The following PRR12 variants were observed in gnomAD, a reference collection of about 807,000 sequenced individuals.
PRR12 encodes proline-rich protein 12.
In PRR12, 12 loss-of-function variants were observed where a neutral mutation model predicts 138.0. The observed-to-expected ratio is 0.09, with a 90% confidence interval of 0.06 to 0.14. The LOEUF is 0.14. PRR12 is among the 10% of genes least tolerant of loss of function. The pLI, the probability that PRR12 is intolerant of heterozygous loss-of-function variation, is 1.00. For missense variants in PRR12, 2,692 were observed against 2,861.3 expected, an observed-to-expected ratio of 0.94 and a Z score of 1.35; for synonymous variants, 1,567 against 1,291.7, an observed-to-expected ratio of 1.21 and a Z score of -4.57.
At chr19:49,618,940 C>G in intron 9 of PRR12, among the ~76,000 whole-genome samples, 1 of 152,030 alleles carries the variant, frequency 6.6e-6, no homozygotes, top group Admixed American at 6.6e-5. Flanking sequence ...GCTCTCAGCT[C>G]TCTCATGGCT....
intron 6 of PRR12, among the ~76,000 whole-genome samples, chr19:49,607,480 T>C (rs1408253382): frequency 6.6e-6 from 1 of 151,250 alleles, no homozygotes; most frequent in East Asian, 1.9e-4. Context: ...CCAAGGTGGG[T>C]GGATTGCTTG....
chr19:49,593,570 C>T (rs2080744183), intron 2 of PRR12, 131 bp downstream of exon 2: 1 of 578,358 alleles, frequency 1.7e-6, no homozygotes, highest in Non-Finnish European at 3.1e-6. Context: ...TGCTGTGTCT[C>T]CTCTGATTGG....
Position 49,596,943 on chromosome 19 carries a change from C to T in PRR12, c.2608C>T (p.Pro870Ser). ...EPAAPSPRLRPEESLDPPGAM... is the reference protein window; with the variant it reads ...EPAAPSPRLRSEESLDPPGAM... ...CGCGGCCCCCAGCCCCCGCCTGCGA[C>T]CCGAGGAGAGCCTGGATCCGCCAGG... is the stretch of plus-strand genomic sequence containing the variant. Residue 870 changes from proline to serine, a missense_variant, in exon 4 of 14, where the codon CCC (proline) becomes TCC (serine). Physicochemically the swap from Pro to Ser is moderately conservative, Grantham distance 74. Transcript: ENST00000418929. The surrounding 1 kb of genome is among the most constrained non-coding windows in gnomAD (Gnocchi z 5.6). The T allele has an allele frequency of 6.5e-7, 1 of 1,550,202 alleles. No homozygotes were observed. Among genetic ancestry groups the T allele is most frequent in the East Asian group, 2.4e-5 (1 of 41,428 alleles).
At chr19:49,593,484 C>A (rs755017122) in intron 2 of PRR12, 45 bp downstream of exon 2, 2 of 863,336 alleles carry the variant, frequency 2.3e-6, no homozygotes. Flanking sequence ...CCTCCCCCTC[C>A]CCCCGAGGCA....
intron 10 of PRR12, 29 bp downstream of exon 10, chr19:49,620,506 G>A (rs896157115): frequency 1.3e-6 from 2 of 1,526,920 alleles, no homozygotes; most frequent in Middle Eastern, 1.7e-4. Context: ...AGGAGGGGGG[G>A]GGGCTGACTC....
At chr19:49,618,914 C>T (rs1245753417) in intron 9 of PRR12, among the ~76,000 whole-genome samples, 1 of 151,998 alleles carries the variant, frequency 6.6e-6, no homozygotes, top group Admixed American at 6.6e-5. Flanking sequence ...TCTACGCTTA[C>T]ACTCACCCCT....
rs1395112610 is a variant in PRR12, at chr19:49,596,922, GC to G, written c.2592del (p.Ser865AlafsTer35). ...CCGCAGCCATGGCCTGGAGCCCGCGGCCCCCAGCCCCCGCCTGCGACCCGAG... is the reference window on the plus strand; with the variant it reads ...CCGCAGCCATGGCCTGGAGCCCGCGGCCCCAGCCCCCGCCTGCGACCCGAG... ...HLRSHGLEPA[A>X]PSPRLRPEES... is the part of the protein sequence containing the mutation. On this transcript the variant is annotated frameshift_variant, in exon 4 of 14. Coordinates refer to ENST00000418929, the MANE Select transcript of PRR12 (RefSeq NM_020719.3). LOFTEE classifies it high-confidence loss of function. This position sits in a 1 kb window ranked among gnomAD's most constrained non-coding sequence, Gnocchi z 5.6. 1 of 1,548,282 alleles carries G rather than the reference GC, an allele frequency of 6.5e-7. No individual in the cohort carries two copies. Among genetic ancestry groups the G allele is most frequent in the Non-Finnish European group, 8.7e-7 (1 of 1,153,304 alleles).
In PRR12 at chr19:49,596,743, C is replaced by G. The variant is rs1325410876; in HGVS notation, c.2408C>G (p.Pro803Arg). Reference sequence around the variant, plus strand: ...CCTCCGCCTCCCCCCCAGCTGCTCCCCTCGGTCCTCAGCCATGCCCCCAGT... The same window carrying G: ...CCTCCGCCTCCCCCCCAGCTGCTCCGCTCGGTCCTCAGCCATGCCCCCAGT... ...VLPPPPPQLL[P>R]SVLSHAPSPS... The change falls in exon 4 of 14, where the codon CCC becomes CGC. Residue 803 changes from proline (P) to arginine (R), a missense_variant. Pro to Arg is a moderately radical substitution (Grantham distance 103). This residue lies in a region of PRR12 where 840 missense variants were observed against 689.8 expected (regional missense o/e 1.22). Coordinates refer to ENST00000418929, the MANE Select transcript of PRR12 (RefSeq NM_020719.3). This position sits in a 1 kb window ranked among gnomAD's most constrained non-coding sequence, Gnocchi z 5.6. The G allele has an allele frequency of 6.2e-7, 1 of 1,604,728 alleles. No homozygotes were observed. Among genetic ancestry groups the G allele is most frequent in the East Asian group, 2.2e-5 (1 of 44,832 alleles).
At chr19:49,592,857 TC>T (rs1340261963) in intron 1 of PRR12, among the ~76,000 whole-genome samples, 1 of 152,090 alleles carries the variant, frequency 6.6e-6, no homozygotes, top group Non-Finnish European at 1.5e-5. Context: ...CCCAACTTGT[TC>T]TGCACCACCC....
intron 6 of PRR12, among the ~76,000 whole-genome samples, chr19:49,607,922 G>A (rs1053381244): frequency 9.9e-5 from 15 of 151,988 alleles, no homozygotes; most frequent in Admixed American, 5.9e-4. Flanking sequence ...AGGAGGCTGA[G>A]ACAGGAGAAT....
At chr19:49,619,503 G>C (rs1470587718) in intron 9 of PRR12, among the ~76,000 whole-genome samples, 1 of 149,206 alleles carries the variant, frequency 6.7e-6, no homozygotes, top group Non-Finnish European at 1.5e-5. Context: ...CCAAAGTGGT[G>C]GGATTACAGG....
chr19:49,596,744 C>A lies in PRR12; in HGVS notation c.2409C>A (p.Pro803=), dbSNP rs1204102703. 2 of 1,604,820 alleles carry A rather than the reference C, an allele frequency of 1.2e-6. No individual in the cohort carries two copies. The highest frequency in any genetic ancestry group is 1.7e-6 in the Non-Finnish European group (2 of 1,178,986). ...CTCCGCCTCCCCCCCAGCTGCTCCCCTCGGTCCTCAGCCATGCCCCCAGTC... is the reference window on the plus strand; with the variant it reads ...CTCCGCCTCCCCCCCAGCTGCTCCCATCGGTCCTCAGCCATGCCCCCAGTC... ...VLPPPPPQLL[P]SVLSHAPSPS... The change falls in exon 4 of 14, where the codon CCC becomes CCA. Residue 803 remains proline (P), a synonymous_variant. Transcript: ENST00000418929. The surrounding 1 kb of genome is among the most constrained non-coding windows in gnomAD (Gnocchi z 5.6).
chr19:49,602,021 T>G, intron 6 of PRR12, 103 bp downstream of exon 6: 1 of 1,417,960 alleles, frequency 7.1e-7, no homozygotes, highest in Non-Finnish European at 9.5e-7. Context: ...GCAGATCCAG[T>G]CGTGGCCGGG....
chr19:49,613,318 G>A (rs1358862693), intron 6 of PRR12, among the ~76,000 whole-genome samples: 2 of 140,084 alleles, frequency 1.4e-5, no homozygotes, highest in Non-Finnish European at 3.0e-5. Context: ...CTGGCTGACT[G>A]AGGCTCCATC....
intron 6 of PRR12, among the ~76,000 whole-genome samples, chr19:49,603,993 G>C (rs1488162349): frequency 6.6e-6 from 1 of 151,886 alleles, no homozygotes; most frequent in Non-Finnish European, 1.5e-5. Context: ...GCTAATTTTT[G>C]TATTTTTAGT....
intron 11 of PRR12, among the ~76,000 whole-genome samples, chr19:49,623,488 C>T (rs191854614): frequency 1.3e-4 from 20 of 152,026 alleles, no homozygotes; most frequent in Admixed American, 1.0e-3. Flanking sequence ...AAAAATTAGC[C>T]GGGTGTGGTG....
Position 49,595,373 on chromosome 19 carries a change from T to G in PRR12, c.1038T>G (p.Pro346=), listed in dbSNP as rs2122288834. Residue 346 remains proline, a synonymous_variant, in exon 4 of 14, where the codon CCT becomes CCG. Transcript: ENST00000418929. ...AGCCCTCCCCGGGTGCTGGGGAGCC[T>G]AGCAAGGCTGGTCCCAGCGGAGCCA... The part of the protein sequence containing the change: ...GGEPSPGAGE[P]SKAGPSGATA... 17 of 1,540,742 alleles carry G rather than the reference T, an allele frequency of 1.1e-5. No homozygotes were observed. Among genetic ancestry groups the G allele is most frequent in the Non-Finnish European group, 1.5e-5 (17 of 1,142,732 alleles).
chr19:49,605,326 G>A (rs1413177221), intron 6 of PRR12, among the ~76,000 whole-genome samples: 1 of 151,782 alleles, frequency 6.6e-6, no homozygotes, highest in Admixed American at 6.6e-5. Flanking sequence ...ACAATGGTGC[G>A]ATCTCGGCTC....
chr19:49,595,597 G>A lies in PRR12; in HGVS notation c.1262G>A (p.Gly421Asp), dbSNP rs1252830619. The A allele has an allele frequency of 6.2e-7, 1 of 1,607,156 alleles. No homozygotes were observed. Among genetic ancestry groups the A allele is most frequent in the Non-Finnish European group, 8.5e-7 (1 of 1,177,744 alleles). Residue 421 changes from glycine (G) to aspartate (D), a missense_variant, in exon 4 of 14, where the codon GGT becomes GAT. Transcript: ENST00000418929. ...STATPKCQSL[G>D]GPAAAYATGK... ...GCCACCCCCAAATGTCAGAGCCTGG[G>A]TGGGCCAGCAGCCGCCTATGCCACT...
Sources: gnomAD v4.1 joint callset for allele counts (sites outside exome capture counted in the v4.1 genomes callset) on GRCh38, gnomAD v4.1.1 for gene constraint, gnomAD v4.1.1 regional missense constraint, Gnocchi (gnomAD v3.1) non-coding constraint, MANE v1.5 for transcripts, NCBI Gene and HGNC (gene_info 2026-07-23, HGNC 2026-07-21) for gene names.